The following RDH10 variants were observed in gnomAD, a reference collection of about 807,000 sequenced individuals.
RDH10 encodes retinol dehydrogenase 10 (all-trans).
Under a neutral mutation model 30.2 loss-of-function variants are expected in RDH10, and 12 were observed. The ratio of observed to expected loss-of-function variants is 0.40; its 90% CI spans 0.25 to 0.64. RDH10 has a LOEUF of 0.64. Ranked by LOEUF, RDH10 falls within the 30% of genes least tolerant of loss-of-function variation. RDH10 has a pLI of 0.43. For missense variants in RDH10, 268 were observed against 445.2 expected (o/e 0.60, Z 3.58); for synonymous variants, 189 against 172.2 (o/e 1.10, Z -0.76).
intron 2 of RDH10, chr8:73,315,507 C>T (rs760032622): frequency 9.2e-6 from 4 of 436,998 alleles, no homozygotes; most frequent in South Asian, 1.6e-5. Context: ...AGTTTCAGAA[C>T]GTTGCAACAA....
Position 73,297,600 on chromosome 8 carries a change from TGTCCCCGCCCACCCCCCC to T in RDH10, c.525+173_525+190del, listed in dbSNP as rs1042632662. 5.2e-6 allele frequency: 3 copies of T among 572,536 alleles called. No homozygotes were observed. The Admixed American group carries it at 8.6e-5, about 16-fold the overall frequency. The allele number at this position is 572,536 out of a possible 1,614,324, so 35.5% of individuals were successfully genotyped here. The stretch of plus-strand genomic sequence containing the variant: ...GTATGCTGGTTACTGTTAGTCGTTT[TGTCCCCGCCCACCCCCCC>T]GCCACCCCTAACTCAGTATTTTTGA... On this transcript the variant is annotated intron_variant, in intron 2 of 5. Coordinates refer to ENST00000240285, the MANE Select transcript of RDH10 (RefSeq NM_172037.5).
intron 2 of RDH10, chr8:73,315,480 G>C (rs1586194307): frequency 2.6e-6 from 1 of 386,814 alleles, no homozygotes; most frequent in Non-Finnish European, 5.3e-6. Context: ...GGGCAAGAAG[G>C]GGAGGGGATA....
intron 2 of RDH10, among the ~76,000 whole-genome samples, chr8:73,301,490 G>T (rs1292355598): frequency 6.6e-6 from 1 of 151,430 alleles, no homozygotes. Context: ...GGGCACGGTG[G>T]CTCACACCTG....
At chr8:73,316,927 A>G (rs1273444436) in intron 2 of RDH10, among the ~76,000 whole-genome samples, 1 of 152,116 alleles carries the variant, frequency 6.6e-6, no homozygotes. Context: ...CACTCCCATG[A>G]TCCAGTCACC....
rs536817715 is a variant in RDH10, at chr8:73,323,278, A to G, written c.*242A>G. On this transcript the variant is annotated 3_prime_UTR_variant, in exon 6 of 6. Coordinates refer to ENST00000240285, the MANE Select transcript of RDH10 (RefSeq NM_172037.5). ...TTAGGCAGAACCCAGAAACCAGTCA[A>G]ATCTGTAGAGAAGCAGTGTGACATC... The G allele has an allele frequency of 8.0e-6, 3 of 374,634 alleles. No individual in the cohort carries two copies. The highest frequency in any genetic ancestry group is 4.0e-5 in the African/African-American group (2 of 49,460). 23.2% of individuals were successfully genotyped at this position (374,634 alleles called of 1,614,324 possible). A position where few individuals can be genotyped will look rare whatever the true frequency, so the allele number is the denominator to read the frequency against.
At chr8:73,322,642 T>G in intron 4 of RDH10, 37 bp from the exon 5 acceptor site, 1 of 1,552,666 alleles carries the variant, frequency 6.4e-7, no homozygotes. Context: ...TCTATTGTGT[T>G]AATTTTTCAT....
At chr8:73,311,026 C>T (rs1283459873) in intron 2 of RDH10, 1 of 152,150 alleles carries the variant, frequency 6.6e-6, no homozygotes, top group Non-Finnish European at 1.5e-5. Context: ...CAATGCTGGC[C>T]ACTGCACTAA....
chr8:73,295,806 G>C (rs1814251949), intron 1 of RDH10: 1 of 1,178,380 alleles, frequency 8.5e-7, no homozygotes, highest in African/African-American at 1.6e-5. Flanking sequence ...TCGGTCTCTG[G>C]GGACCACGGC....
At chr8:73,321,127 T>C in intron 4 of RDH10, 50 bp downstream of exon 4, 1 of 1,459,034 alleles carries the variant, frequency 6.9e-7, no homozygotes, top group Non-Finnish European at 9.5e-7. Flanking sequence ...GTTGGGAGAA[T>C]ATGTGGAACT....
At chr8:73,322,548 A>G in intron 4 of RDH10, 131 bp from the exon 5 acceptor site, 3 of 751,984 alleles carry the variant, frequency 4.0e-6, no homozygotes, top group South Asian at 3.9e-5. Context: ...ACAGAAAAGC[A>G]CTATGAAGAA....
chr8:73,305,719 G>T (rs1814454539), intron 2 of RDH10, among the ~76,000 whole-genome samples: 1 of 152,168 alleles, frequency 6.6e-6, no homozygotes, highest in Non-Finnish European at 1.5e-5. Context: ...ACTAGGGGGT[G>T]TACTGGCAGG....
chr8:73,299,100 C>T (rs1478539500), intron 2 of RDH10, among the ~76,000 whole-genome samples: 1 of 152,200 alleles, frequency 6.6e-6, no homozygotes, highest in Admixed American at 6.5e-5. Flanking sequence ...AGGTGTAAAC[C>T]ACTGCACCCG....
At position 73,295,584 on chromosome 8, in the gene RDH10, C is replaced by G. The variant is rs1181288347; in HGVS notation, c.289+6C>G. The G allele has an allele frequency of 4.7e-6, 7 of 1,494,176 alleles. No homozygotes were observed. The Admixed American group carries it at 1.3e-4, about 29-fold the overall frequency. The allele number at this position is 1,494,176 out of a possible 1,614,324, so 92.6% of individuals were successfully genotyped here. On this transcript the variant is annotated splice_donor_region_variant and intron_variant, in intron 1 of 5. Coordinates refer to ENST00000240285, the MANE Select transcript of RDH10 (RefSeq NM_172037.5). Reference sequence around the variant, plus strand: ...CGACGCCGCTGCGCTGCAAGGTAACCTGGACCCGCGCGGGAGCATTGTTGG... The same window carrying G: ...CGACGCCGCTGCGCTGCAAGGTAACGTGGACCCGCGCGGGAGCATTGTTGG...
chr8:73,308,986 A>G (rs1814511069), intron 2 of RDH10, among the ~76,000 whole-genome samples: 2 of 152,146 alleles, frequency 1.3e-5, no homozygotes, highest in South Asian at 4.1e-4. Flanking sequence ...TTTGATTCAG[A>G]GCCCAGGTGA....
chr8:73,295,913 A>G (rs936744405), intron 1 of RDH10: 1 of 1,020,760 alleles, frequency 9.8e-7, no homozygotes, highest in Non-Finnish European at 1.2e-6. Flanking sequence ...TCTTGCTCCG[A>G]CTTACAAGCG....
rs200921578 is a variant in RDH10, at chr8:73,323,057, T to C, written c.*21T>C. On this transcript the variant is annotated 3_prime_UTR_variant, in exon 6 of 6. Coordinates refer to ENST00000240285, the MANE Select transcript of RDH10 (RefSeq NM_172037.5). ...TCTAAGAATCTTTTTGTATGGAATA[T>C]TACTTCTATCAGAAGATGATCAAGA... The C allele has an allele frequency of 6.4e-5, 101 of 1,588,084 alleles. No homozygotes were observed. Among genetic ancestry groups the C allele is most frequent in the Middle Eastern group, 1.7e-4 (1 of 6,028 alleles).
chr8:73,295,154 C>A lies in RDH10; in HGVS notation c.-136C>A, dbSNP rs1362895447. 5.9e-6 allele frequency: 5 copies of A among 850,426 alleles called. No individual in the cohort carries two copies. The East Asian group carries it at 1.7e-4, about 29-fold the overall frequency. 52.7% of individuals were successfully genotyped at this position (850,426 alleles called of 1,614,324 possible). A position where few individuals can be genotyped will look rare whatever the true frequency, so the allele number is the denominator to read the frequency against. On this transcript the variant is annotated 5_prime_UTR_variant, in exon 1 of 6. Transcript: ENST00000240285. ...CCGCGCACTCCAACCCGGCGGGCAC[C>A]TCGGGGGCGGGCGCGGGGCGCAGCC...
chr8:73,318,414 T>C (rs536654576), intron 2 of RDH10, among the ~76,000 whole-genome samples: 3 of 152,350 alleles, frequency 2.0e-5, no homozygotes, highest in South Asian at 2.1e-4. Flanking sequence ...CTTGCATCTG[T>C]GGCAGAGTCC....
intron 4 of RDH10, chr8:73,321,744 A>T (rs1439362949): frequency 2.2e-6 from 1 of 449,320 alleles, no homozygotes; most frequent in Admixed American, 2.4e-5. Context: ...GCTTACTTTT[A>T]TCTTTGCTTG....
Sources: allele counts gnomAD v4.1 joint callset (sites outside exome capture counted in the v4.1 genomes callset), GRCh38; gene constraint gnomAD v4.1.1; transcripts MANE v1.5; gene names NCBI Gene and HGNC (gene_info 2026-07-23, HGNC 2026-07-21).